The following PRH1 variants were observed in gnomAD, a reference collection of about 807,000 sequenced individuals.
The protein encoded by PRH1 is salivary acidic proline-rich phosphoprotein 1/2.
In PRH1, 7 loss-of-function variants were observed where a neutral mutation model predicts 7.9. The ratio of observed to expected loss-of-function variants is 0.89; its 90% confidence interval spans 0.50 to 1.67. The LOEUF is 1.67. PRH1 is among the 40% of genes most tolerant of loss of function. The pLI, the probability that PRH1 is intolerant of heterozygous loss-of-function variation, is 0.00. For synonymous variants in PRH1, 45 were observed against 80.8 expected (o/e 0.56, Z 2.38); for missense variants, 109 against 223.6 (o/e 0.49, Z 3.27).
chr12:11,160,110 G>A (rs893535690), intron 1 of PRH1, among the ~76,000 whole-genome samples: 3 of 152,086 alleles, frequency 2.0e-5, no homozygotes, highest in African/African-American at 7.2e-5. Flanking sequence ...CATCTCCCCT[G>A]AGCCATACCA....
chr12:10,911,004 T>G (rs955774190), intron 2 of PRH1, among the ~76,000 whole-genome samples: 3 of 152,228 alleles, frequency 2.0e-5, no homozygotes, highest in African/African-American at 7.2e-5. Flanking sequence ...AATGGTATAT[T>G]TGTCAAGATA....
At chr12:11,090,387 A>C (rs1944839777) in intron 1 of PRH1, among the ~76,000 whole-genome samples, 1 of 116,752 alleles carries the variant, frequency 8.6e-6, no homozygotes, top group East Asian at 2.1e-4. Flanking sequence ...AGGTAAGGAT[A>C]TAATTAGCAA....
rs1358081430 is a variant in PRH1 at position 10,882,637 on chromosome 12, C to T, written c.162G>A (p.Gln54=). 22 of 1,612,166 alleles carry T rather than the reference C, an allele frequency of 1.4e-5. No individual in the cohort carries two copies. Among genetic ancestry groups the T allele is most frequent in the Non-Finnish European group, 1.9e-5 (22 of 1,179,402 alleles). ...EERQGPPLGG[Q]QSQPSAGDGN... ...CATCACCAGCAGAGGGTTGAGATTG[C>T]TGTCCTCCCAAAGGTGGTCCCTGAC... Residue 54 remains glutamine (Q), a synonymous_variant, in exon 3 of 4, where the codon CAG becomes CAA. Transcript: ENST00000543626.
chr12:10,996,948 A>G (rs781003640), intron 1 of PRH1: 1 of 1,600,952 alleles, frequency 6.2e-7, no homozygotes, highest in Non-Finnish European at 8.5e-7. Flanking sequence ...TTGTGAATCT[A>G]TGGAGTTGAC....
intron 1 of PRH1, among the ~76,000 whole-genome samples, chr12:11,023,427 G>A (rs1941757264): frequency 6.6e-6 from 1 of 151,996 alleles, no homozygotes; most frequent in Non-Finnish European, 1.5e-5. Flanking sequence ...TTACACTCAA[G>A]TCTGTTTTGT....
chr12:10,983,980 G>A (rs1450546309), intron 1 of PRH1, among the ~76,000 whole-genome samples: 1 of 152,116 alleles, frequency 6.6e-6, no homozygotes, highest in Non-Finnish European at 1.5e-5. Flanking sequence ...TGTTATTTAT[G>A]CATTTTTCTG....
intron 1 of PRH1, among the ~76,000 whole-genome samples, chr12:11,087,233 T>G (rs1944737314): frequency 8.6e-6 from 1 of 116,464 alleles, no homozygotes; most frequent in Non-Finnish European, 2.0e-5. Context: ...TCCCAAGTAT[T>G]TGGGACTATA....
At chr12:10,997,366 A>G (rs1175436009) in intron 1 of PRH1, 17 of 1,614,002 alleles carry the variant, frequency 1.1e-5, no homozygotes, top group South Asian at 2.2e-5. Flanking sequence ...GGTGCATTGC[A>G]TTCCTCAGTT....
At chr12:11,169,654 G>A (rs1947753263) in intron 1 of PRH1, among the ~76,000 whole-genome samples, 1 of 152,168 alleles carries the variant, frequency 6.6e-6, no homozygotes, top group South Asian at 2.1e-4. Flanking sequence ...CTGTGACTCT[G>A]AATGGCTCTG....
At chr12:11,030,852 A>T (rs10743938) in intron 1 of PRH1, 1,240,854 of 1,610,604 alleles carry the variant, frequency 0.77, 482,333 homozygotes, top group East Asian at 0.9. Flanking sequence ...TTCCAAGTCA[A>T]GTTTCCTTCA....
At chr12:11,063,265 G>T (rs1565611515) in intron 1 of PRH1, among the ~76,000 whole-genome samples, 1 of 152,050 alleles carries the variant, frequency 6.6e-6, no homozygotes, top group Non-Finnish European at 1.5e-5. Context: ...TGACTACCTT[G>T]CCCCTGAACT....
chr12:11,081,644 A>G (rs1037086560), intron 1 of PRH1, among the ~76,000 whole-genome samples: 1 of 116,700 alleles, frequency 8.6e-6, no homozygotes, highest in Non-Finnish European at 2.0e-5. Context: ...GGCAAACTCA[A>G]TGACCAGAAC....
intron 1 of PRH1, among the ~76,000 whole-genome samples, chr12:11,079,980 A>G (rs11560819): frequency 0.26 from 25,960 of 98,106 alleles, 5,582 homozygotes; most frequent in Non-Finnish European, 0.34. Context: ...AAAATGGAAA[A>G]CATAGCAATG....
At chr12:11,032,835 T>C (rs1218655952) in intron 1 of PRH1, among the ~76,000 whole-genome samples, 1 of 152,210 alleles carries the variant, frequency 6.6e-6, no homozygotes, top group Non-Finnish European at 1.5e-5. Context: ...TGGAGTTCAA[T>C]CATTTCACTT....
At chr12:10,900,517 GA>G (rs1009730021) in intron 2 of PRH1, among the ~76,000 whole-genome samples, 4 of 151,884 alleles carry the variant, frequency 2.6e-5, no homozygotes, top group Non-Finnish European at 4.4e-5. Context: ...GAATTGTGGG[GA>G]AAAAAAACCT....
chr12:11,102,636 G>A (rs937947240), intron 1 of PRH1, among the ~76,000 whole-genome samples: 1 of 152,152 alleles, frequency 6.6e-6, no homozygotes, highest in Non-Finnish European at 1.5e-5. Flanking sequence ...GCATGGGCAA[G>A]GACTTCATGG....
intron 2 of PRH1, among the ~76,000 whole-genome samples, chr12:10,904,185 T>C (rs1487622256): frequency 4.0e-5 from 6 of 151,542 alleles, no homozygotes; most frequent in Non-Finnish European, 8.8e-5. Context: ...ATTTTAAAAT[T>C]CATATAAAAC....
rs1388924247 is a variant in PRH1 at position 11,135,105 on chromosome 12, CAA to C, written n.40-13927_40-13926del. Among the ~76,000 whole-genome samples, 32 of 152,158 alleles carry C rather than the reference CAA, an allele frequency of 2.1e-4. No individual in the cohort carries two copies. The South Asian group carries it at 4.2e-3, about 20-fold the overall frequency. On this transcript the variant is annotated intron_variant and non_coding_transcript_variant, in intron 1 of 1. Coordinates refer to the PRH1 transcript ENST00000541175. ...CTTAGGCCTTTGGTAAAGTTTCTCTCAAGTCTAATATTTAAATATTTATTATT... is the reference window on the plus strand; with the variant it reads ...CTTAGGCCTTTGGTAAAGTTTCTCTCGTCTAATATTTAAATATTTATTATT...
At chr12:11,065,082 A>G (rs1186330470) in intron 1 of PRH1, among the ~76,000 whole-genome samples, 2 of 152,058 alleles carry the variant, frequency 1.3e-5, no homozygotes, top group Non-Finnish European at 2.9e-5. Flanking sequence ...CTATTATCTG[A>G]AAAAAATATC....
Sources: gnomAD v4.1 joint callset for allele counts (sites outside exome capture counted in the v4.1 genomes callset) on GRCh38, gnomAD v4.1.1 for gene constraint, MANE v1.5 for transcripts, NCBI Gene and HGNC (gene_info 2026-07-23, HGNC 2026-07-21) for gene names.